Variants in TNRC18 observed in about 807,000 individuals in gnomAD.
TNRC18 encodes the protein trinucleotide repeat containing 18.
TNRC18 carries 69 observed loss-of-function variants against 226.7 expected under a neutral mutation model. The observed-to-expected ratio is 0.30, with a 90% CI of 0.25 to 0.37. TNRC18 has a LOEUF of 0.37. Among genes scored for constraint, TNRC18 ranks in the 10% least tolerant of loss-of-function variants. The pLI is 1.00. For synonymous variants in TNRC18, 2,449 were observed against 1,927.6 expected (o/e 1.27, Z -7.09); for missense variants, 4,754 against 4,256.6 (o/e 1.12, Z -3.25).
intron 11 of TNRC18, 77 bp downstream of exon 11, chr7:5,370,298 G>A: frequency 1.4e-6 from 2 of 1,461,054 alleles, no homozygotes; most frequent in Non-Finnish European, 1.8e-6. Flanking sequence ...ACTCCAGCCT[G>A]GGCAACACAG....
intron 14 of TNRC18, among the ~76,000 whole-genome samples, chr7:5,360,904 A>G (rs529677498): frequency 2.0e-5 from 3 of 152,196 alleles, no homozygotes; most frequent in South Asian, 4.1e-4. Flanking sequence ...CTGCTTCCTC[A>G]GGGCAGGTCT....
rs939169394 is a variant in TNRC18 at position 5,388,731 on chromosome 7, G to C, written c.1093C>G (p.Arg365Gly). Residue 365 changes from arginine (R) to glycine (G), a missense_variant, in exon 5 of 30, where the codon CGT becomes GGT. Physicochemically the swap from Arg to Gly is moderately radical, Grantham distance 125. Transcript: ENST00000430969. ...GTGGGCGCCACCACGCGGTGCTCAC[G>C]GCCCTGCTCGCGGAAGACGGTGTAG... ...GVYTVFREQG[R>G]EHRVVAPTFV... is the part of the protein sequence containing the mutation. 4 of 1,259,696 alleles carry C rather than the reference G, an allele frequency of 3.2e-6. No individual in the cohort carries two copies. Among genetic ancestry groups the C allele is most frequent in the African/African-American group, 1.6e-5 (1 of 62,540 alleles). 78.0% of individuals were successfully genotyped at this position (1,259,696 alleles called of 1,614,324 possible).
At chr7:5,319,572 A>G (rs900420842) in intron 24 of TNRC18, among the ~76,000 whole-genome samples, 9 of 151,998 alleles carry the variant, frequency 5.9e-5, no homozygotes, top group African/African-American at 2.2e-4. Context: ...GCAGTGGTGC[A>G]ATCCTGGCTC....
At chr7:5,347,341 C>A (rs1478829016) in intron 17 of TNRC18, among the ~76,000 whole-genome samples, 1 of 150,572 alleles carries the variant, frequency 6.6e-6, no homozygotes, top group Non-Finnish European at 1.5e-5. Context: ...CGCCCACCAC[C>A]ACACCAGGCT....
intron 27 of TNRC18, among the ~76,000 whole-genome samples, chr7:5,311,205 T>TGTGTGC (rs1787172475): frequency 7.4e-6 from 1 of 134,668 alleles, no homozygotes; most frequent in African/African-American, 2.7e-5. Context: ...TGCGTGTGTG[T>TGTGTGC]GTGCATGTGC....
intron 24 of TNRC18, among the ~76,000 whole-genome samples, chr7:5,318,159 A>G (rs1788037949): frequency 6.6e-6 from 1 of 152,132 alleles, no homozygotes; most frequent in Non-Finnish European, 1.5e-5. Flanking sequence ...GGTGTGAGCC[A>G]CCACGCCTGG....
intron 2 of TNRC18, among the ~76,000 whole-genome samples, chr7:5,413,611 C>T (rs1335492472): frequency 2.6e-5 from 4 of 152,218 alleles, no homozygotes; most frequent in Non-Finnish European, 5.9e-5. Context: ...CTCACTGCAG[C>T]CTGGATCTCT....
At chr7:5,378,112 G>A in intron 5 of TNRC18, 88 bp from the exon 6 acceptor site, 2 of 1,006,800 alleles carry the variant, frequency 2.0e-6, no homozygotes, top group South Asian at 1.4e-5. Flanking sequence ...CCCTCCCTGG[G>A]CCCCCCAGAG....
At chr7:5,359,326 C>G (rs1354189015) in intron 15 of TNRC18, 72 bp downstream of exon 15, 1 of 1,509,086 alleles carries the variant, frequency 6.6e-7, no homozygotes, top group African/African-American at 1.4e-5. Context: ...GCGAAGGGAG[C>G]GTGAACTCTT....
At chr7:5,345,355 G>A (rs183946277) in intron 18 of TNRC18, among the ~76,000 whole-genome samples, 72 of 152,286 alleles carry the variant, frequency 4.7e-4, no homozygotes, top group African/African-American at 1.5e-3. Context: ...TTTGCAAGGC[G>A]AAGAATCCCC....
intron 3 of TNRC18, among the ~76,000 whole-genome samples, chr7:5,393,501 A>C (rs1780447396): frequency 6.6e-6 from 1 of 152,146 alleles, no homozygotes; most frequent in South Asian, 2.1e-4. Context: ...GCCCCGCAGG[A>C]GGAAGTGGAG....
chr7:5,337,118 C>T (rs1040168132), intron 18 of TNRC18, among the ~76,000 whole-genome samples: 1 of 152,112 alleles, frequency 6.6e-6, no homozygotes, highest in Non-Finnish European at 1.5e-5. Flanking sequence ...ACACGAACCC[C>T]CAGGAACAAC....
In TNRC18 at chr7:5,420,405, C is replaced by G. The variant is rs75626029; in HGVS notation, c.187+655G>C. ...CCGCACCCTCTTTCGCGCTGGAAAA[C>G]AAGGGGTCCCCGAGGGCCGGGGTCG... On this transcript the variant is annotated intron_variant, in intron 2 of 29. Transcript: ENST00000430969. 251 of 456,212 alleles carry G rather than the reference C, an allele frequency of 5.5e-4. 1 individual carries two copies. The highest frequency in any genetic ancestry group is 4.7e-3 in the African/African-American group (236 of 50,198). The allele number at this position is 456,212 out of a possible 1,614,324, so 28.3% of individuals were successfully genotyped here.
At position 5,313,220 on chromosome 7, in the gene TNRC18, G is replaced by A. The variant is rs773049203; in HGVS notation, c.7671C>T (p.Ser2557=). The A allele has an allele frequency of 7.6e-5, 117 of 1,548,716 alleles. No individual in the cohort carries two copies. Among genetic ancestry groups the A allele is most frequent in the Middle Eastern group, 2.1e-4 (1 of 4,842 alleles). ...AQAEQDGAEE[S]ESSSSSSSGS... is the part of the protein sequence containing the mutation. Reference sequence around the variant, plus strand: ...CACTACTGCTGCTGCTGCTGCTCTCGGACTCTTCGGCCCCGTCCTGCTCAG... The same window carrying A: ...CACTACTGCTGCTGCTGCTGCTCTCAGACTCTTCGGCCCCGTCCTGCTCAG... The change falls in exon 27 of 30, where the codon TCC becomes TCT. Residue 2557 remains serine (S), a synonymous_variant. Coordinates refer to ENST00000430969, the MANE Select transcript of TNRC18 (RefSeq NM_001080495.3).
intron 2 of TNRC18, among the ~76,000 whole-genome samples, chr7:5,407,735 C>T (rs762899647): frequency 2.6e-5 from 4 of 152,236 alleles, no homozygotes; most frequent in African/African-American, 4.8e-5. Context: ...CCATCTCAGC[C>T]TTGCCCCTAG....
intron 2 of TNRC18, among the ~76,000 whole-genome samples, chr7:5,415,565 G>A (rs1010695195): frequency 7.3e-5 from 11 of 151,110 alleles, no homozygotes; most frequent in Non-Finnish European, 1.3e-4. Context: ...ATTTTCAGTA[G>A]AGATGCTGTT....
In TNRC18 at chr7:5,371,021, G is replaced by A. The variant is rs377155493; in HGVS notation, c.3573C>T (p.Ser1191=). 6.2e-6 allele frequency: 10 copies of A among 1,608,810 alleles called. No homozygotes were observed. Among genetic ancestry groups the A allele is most frequent in the Admixed American group, 5.0e-5 (3 of 59,974 alleles). The change falls in exon 11 of 30, where the codon AGC becomes AGT. Residue 1191 remains serine, a synonymous_variant. Coordinates refer to ENST00000430969, the MANE Select transcript of TNRC18 (RefSeq NM_001080495.3). ...GGCCACCTCCACAACCCCCTGCAGG[G>A]CTGGGGGTAGCCATGGCTTCCGCGG... is the stretch of plus-strand genomic sequence containing the variant. ...LPAAEAMATP[S]PAGGCGGGLL... is the part of the protein sequence containing the mutation.
intron 12 of TNRC18, 111 bp from the exon 13 acceptor site, chr7:5,362,144 G>T (rs1387224780): frequency 7.4e-7 from 1 of 1,345,778 alleles, no homozygotes; most frequent in South Asian, 1.4e-5. Flanking sequence ...TGGGAGCTGG[G>T]GCTCGAGTCC....
chr7:5,312,783 G>A lies in TNRC18; in HGVS notation c.8108C>T (p.Ala2703Val). 6.5e-7 allele frequency: 1 copy of A among 1,533,200 alleles called. No individual in the cohort carries two copies. Among genetic ancestry groups the A allele is most frequent in the Non-Finnish European group, 8.7e-7 (1 of 1,144,842 alleles). 95.0% of individuals were successfully genotyped at this position (1,533,200 alleles called of 1,614,324 possible). A position where few individuals can be genotyped will look rare whatever the true frequency, so the allele number is the denominator to read the frequency against. Residue 2703 changes from alanine to valine, a missense_variant, in exon 27 of 30, where the codon GCC (alanine) becomes GTC (valine). Transcript: ENST00000430969. The surrounding 1 kb of genome is among the most constrained non-coding windows in gnomAD (Gnocchi z 6.3). Reference protein sequence around the residue: ...PSAQAALPTKATKQAGKARPS... With the variant: ...PSAQAALPTKVTKQAGKARPS... The stretch of plus-strand genomic sequence containing the variant: ...CCGCGCCTTGCCGGCCTGCTTGGTG[G>A]CCTTGGTGGGGAGCGCCGCCTGCGC...
Sources: allele counts gnomAD v4.1 joint callset (sites outside exome capture counted in the v4.1 genomes callset), GRCh38; gene constraint gnomAD v4.1.1; non-coding constraint Gnocchi (gnomAD v3.1); transcripts MANE v1.5; gene names NCBI Gene and HGNC (gene_info 2026-07-23, HGNC 2026-07-21).